ANKLE2: variants seen among roughly 807,000 people sequenced by gnomAD.
ANKLE2 encodes ankyrin repeat and LEM domain-containing protein 2.
ANKLE2 carries 55 observed loss-of-function variants against 84.2 expected under a neutral mutation model. The ratio of observed to expected loss-of-function variants is 0.65; its 90% CI spans 0.53 to 0.82. The LOEUF (loss-of-function observed/expected upper bound fraction) is 0.82. ANKLE2 is among the 40% of genes least tolerant of loss of function. ANKLE2 has a pLI of 0.00. For missense variants in ANKLE2, 1,238 were observed against 1,201.9 expected (o/e 1.03, Z -0.44); for synonymous variants, 551 against 486.1 (o/e 1.13, Z -1.76).
intron 8 of ANKLE2, 77 bp downstream of exon 8, chr12:132,736,816 G>T (rs1253462744): frequency 6.7e-7 from 1 of 1,487,762 alleles, no homozygotes; most frequent in Non-Finnish European, 9.0e-7. Context: ...CACGCACAAG[G>T]CAACAGGCTG....
chr12:132,749,202 C>T (rs933499978), intron 3 of ANKLE2, among the ~76,000 whole-genome samples: 19 of 152,290 alleles, frequency 1.2e-4, no homozygotes, highest in African/African-American at 4.6e-4. Flanking sequence ...TTCGCCCAGG[C>T]TGGAGTGCAG....
chr12:132,753,792 G>C (rs551134350), intron 2 of ANKLE2, among the ~76,000 whole-genome samples: 47 of 151,986 alleles, frequency 3.1e-4, no homozygotes, highest in African/African-American at 1.1e-3. Flanking sequence ...TTAGCTGTGC[G>C]TGGTGGCGTA....
intron 1 of ANKLE2, 106 bp from the exon 2 acceptor site, chr12:132,755,239 T>C (rs547830521): frequency 2.6e-6 from 3 of 1,176,360 alleles, no homozygotes; most frequent in Non-Finnish European, 2.4e-6. Flanking sequence ...TTTCTGTTTC[T>C]TTCATTAAAA....
chr12:132,732,191 G>T (rs35818701), intron 10 of ANKLE2: 1,386 of 72,160 alleles, frequency 0.019, 1 homozygote, highest in Non-Finnish European at 0.027. Context: ...CGTGTGAAGC[G>T]CTCTGCGTCC....
chr12:132,732,948 C>G (rs1415642294), intron 10 of ANKLE2, among the ~76,000 whole-genome samples: 8 of 143,224 alleles, frequency 5.6e-5, no homozygotes, highest in African/African-American at 2.2e-4. Flanking sequence ...GTGTGAAGCT[C>G]TCTGCGTCCT....
At position 132,761,690 on chromosome 12, in the gene ANKLE2, G is replaced by A. The variant is rs1233913710; in HGVS notation, c.109C>T (p.Pro37Ser). Residue 37 changes from proline to serine, a missense_variant, in exon 1 of 13, where the codon CCG becomes TCG. This residue lies in a region of ANKLE2 where 422 missense variants were observed against 394.5 expected (regional missense o/e 1.07). Transcript: ENST00000357997. ...CTGCGGCCCAGACCTCCCGGCCGCG[G>A]GCCCAGCCGCCGCACCAGCCACCGC... is the stretch of plus-strand genomic sequence containing the variant. ...AVRWLVRRLG[P>S]RPGGLGRSGT... The A allele has an allele frequency of 2.2e-6, 3 of 1,347,838 alleles. No homozygotes were observed. Among genetic ancestry groups the A allele is most frequent in the South Asian group, 1.7e-5 (1 of 57,790 alleles). 83.5% of individuals were successfully genotyped at this position (1,347,838 alleles called of 1,614,324 possible).
Position 132,750,692 on chromosome 12 carries a change from T to C in ANKLE2, c.798A>G (p.Pro266=). 1 of 1,614,232 alleles carries C rather than the reference T, an allele frequency of 6.2e-7. No homozygotes were observed. The highest frequency in any genetic ancestry group is 8.5e-7 in the Non-Finnish European group (1 of 1,180,048). The part of the protein sequence containing the change: ...YFPSPSKTSL[P]LSPVKTAPLF... ...GTGGAGCTGTTTTCACAGGAGACAGTGGTAAGGACGTTTTGCTTGGAGAAG... is the reference window on the plus strand; with the variant it reads ...GTGGAGCTGTTTTCACAGGAGACAGCGGTAAGGACGTTTTGCTTGGAGAAG... The change falls in exon 3 of 13, where the codon CCA becomes CCG. Residue 266 remains proline (P), a synonymous_variant. Coordinates refer to ENST00000357997, the MANE Select transcript of ANKLE2 (RefSeq NM_015114.3).
intron 1 of ANKLE2, 137 bp from the exon 2 acceptor site, chr12:132,755,270 G>A (rs1330511521): frequency 1.2e-5 from 10 of 819,374 alleles, no homozygotes; most frequent in African/African-American, 5.2e-5. Flanking sequence ...TTGGCTGGAC[G>A]CGGTGGCTCA....
chr12:132,729,671 A>C lies in ANKLE2; in HGVS notation c.2483+8T>G. The stretch of plus-strand genomic sequence containing the variant: ...GGAAAGTGAGTGCAGAGGGCAACAC[A>C]CTCCTACCCAAAAAGGAAGAGCCGC... On this transcript the variant is annotated splice_region_variant and intron_variant, in intron 11 of 12. Transcript: ENST00000357997. 6.3e-7 allele frequency: 1 copy of C among 1,580,266 alleles called. No individual in the cohort carries two copies. Among genetic ancestry groups the C allele is most frequent in the Non-Finnish European group, 8.6e-7 (1 of 1,164,494 alleles).
intron 8 of ANKLE2, among the ~76,000 whole-genome samples, chr12:132,735,991 G>A (rs998387808): frequency 2.6e-5 from 4 of 152,132 alleles, no homozygotes; most frequent in African/African-American, 7.2e-5. Context: ...TCGCTCTGTC[G>A]CCCAGGCTGG....
At chr12:132,727,518 G>T in intron 12 of ANKLE2, 75 bp from the exon 13 acceptor site, 1 of 1,295,036 alleles carries the variant, frequency 7.7e-7, no homozygotes, top group Non-Finnish European at 1.0e-6. Flanking sequence ...GGAGAATAAT[G>T]GCCCCAGACT....
intron 5 of ANKLE2, among the ~76,000 whole-genome samples, chr12:132,744,668 C>G (rs990440312): frequency 2.0e-5 from 3 of 152,132 alleles, no homozygotes; most frequent in African/African-American, 4.8e-5. Flanking sequence ...TGGACAAGGA[C>G]CAGATAGTAA....
In ANKLE2 at chr12:132,761,653, A is replaced by C; in HGVS notation, c.146T>G (p.Val49Gly). 1 of 1,287,006 alleles carries C rather than the reference A, an allele frequency of 7.8e-7. No individual in the cohort carries two copies. Among genetic ancestry groups the C allele is most frequent in the Admixed American group, 3.9e-5 (1 of 25,852 alleles). The allele number at this position is 1,287,006 out of a possible 1,614,324, so 79.7% of individuals were successfully genotyped here. ...GGCGGCGGCCGCGCTTGGCGGAGGAACTGGGGTCCCGCTGCGGCCCAGACC... is the reference window on the plus strand; with the variant it reads ...GGCGGCGGCCGCGCTTGGCGGAGGACCTGGGGTCCCGCTGCGGCCCAGACC... Reference protein sequence around the residue: ...PGGLGRSGTPVPPPSAAAAPA... With the variant: ...PGGLGRSGTPGPPPSAAAAPA... The change falls in exon 1 of 13, where the codon GTT becomes GGT. Residue 49 changes from valine (V) to glycine (G), a missense_variant. Coordinates refer to ENST00000357997, the MANE Select transcript of ANKLE2 (RefSeq NM_015114.3).
chr12:132,749,831 C>T (rs1023837908), intron 3 of ANKLE2, among the ~76,000 whole-genome samples: 1 of 152,192 alleles, frequency 6.6e-6, no homozygotes, highest in African/African-American at 2.4e-5. Flanking sequence ...TCCAGATGCC[C>T]TAGTCCTTGA....
chr12:132,753,768 A>C (rs115622055), intron 2 of ANKLE2, among the ~76,000 whole-genome samples: 4,123 of 151,924 alleles, frequency 0.027, 136 homozygotes, highest in African/African-American at 0.085. Flanking sequence ...CAAAACAAAA[A>C]AAAACCATAA....
intron 10 of ANKLE2, chr12:132,730,504 G>C (rs2043819337): frequency 1.9e-6 from 1 of 518,110 alleles, no homozygotes; most frequent in Non-Finnish European, 3.4e-6. Context: ...CCTGGAAAAG[G>C]GCAAACAGGA....
rs2136177437 is a variant in ANKLE2 at position 132,754,729 on chromosome 12, G to C, written c.586C>G (p.Pro196Ala). ...GGACACACCCCATAGTACAGGGGCG[G>C]CTCCTTAGACGCAGTCGCTCCAGCT... Reference protein sequence around the residue: ...YRAGATASKEPPLYYGVCPVY... With the variant: ...YRAGATASKEAPLYYGVCPVY... The change falls in exon 2 of 13, where the codon CCG becomes GCG. Residue 196 changes from proline (P) to alanine (A), a missense_variant. Around this residue, in one of 3 missense-constraint regions of ANKLE2, gnomAD observed 422 missense variants for 394.5 expected, o/e 1.07. Coordinates refer to ENST00000357997, the MANE Select transcript of ANKLE2 (RefSeq NM_015114.3). 2 of 1,614,106 alleles carry C rather than the reference G, an allele frequency of 1.2e-6. No homozygotes were observed. The highest frequency in any genetic ancestry group is 4.5e-5 in the East Asian group (2 of 44,884).
chr12:132,741,943 T>G (rs190559679), intron 6 of ANKLE2: 17 of 427,512 alleles, frequency 4.0e-5, no homozygotes, highest in Admixed American at 3.3e-4. Context: ...AGAAATCAAC[T>G]TTCTCAGCCC....
chr12:132,750,778 T>C lies in ANKLE2; in HGVS notation c.712A>G (p.Lys238Glu). 6.2e-7 allele frequency: 1 copy of C among 1,614,238 alleles called. No homozygotes were observed. The highest frequency in any genetic ancestry group is 2.2e-5 in the East Asian group (1 of 44,888). Residue 238 changes from lysine to glutamate, a missense_variant, in exon 3 of 13, where the codon AAA (lysine) becomes GAA (glutamate). Transcript: ENST00000357997. ...AVKMIKGSRF[K>E]AFSTREDAEK... Reference sequence around the variant, plus strand: ...GCGTCTTCTCTGGTAGAAAAAGCTTTAAATCGGGACCCTTTGATCATCTTG... The same window carrying C: ...GCGTCTTCTCTGGTAGAAAAAGCTTCAAATCGGGACCCTTTGATCATCTTG...
Sources: allele counts gnomAD v4.1 joint callset (sites outside exome capture counted in the v4.1 genomes callset), GRCh38; gene constraint gnomAD v4.1.1; regional missense constraint gnomAD v4.1.1; transcripts MANE v1.5; gene names NCBI Gene and HGNC (gene_info 2026-07-23, HGNC 2026-07-21).